CNOT10: variants seen among roughly 807,000 people sequenced by gnomAD.
CNOT10 encodes CCR4-NOT transcription complex subunit 10, also known as CCR4-NOT transcription complex, subunit 10.
CNOT10 carries 30 observed loss-of-function variants against 94.6 expected under a neutral mutation model. That is an observed-to-expected ratio of 0.32 (90% CI 0.24 to 0.43). The LOEUF is 0.43. CNOT10 is among the 20% of genes least tolerant of loss of function. The pLI is 1.00. For missense variants in CNOT10, 759 were observed against 877.2 expected (o/e 0.87, Z 1.70); for synonymous variants, 289 against 301.6 (o/e 0.96, Z 0.43).
chr3:32,707,720 T>C (rs537834518), intron 3 of CNOT10, among the ~76,000 whole-genome samples: 1 of 152,082 alleles, frequency 6.6e-6, no homozygotes, highest in East Asian at 1.9e-4. Context: ...GGAGAATCAC[T>C]TGAACCCTGG....
chr3:32,725,608 A>G lies in CNOT10; in HGVS notation c.1012+9A>G, dbSNP rs781760762. On this transcript the variant is annotated intron_variant, in intron 9 of 18. Transcript: ENST00000328834. ...AGGTAGCACTGATCCAGGTAAGCCCAGTACTGGGGGACAGTTTGTATTTAC... is the reference window on the plus strand; with the variant it reads ...AGGTAGCACTGATCCAGGTAAGCCCGGTACTGGGGGACAGTTTGTATTTAC... The G allele has an allele frequency of 1.3e-6, 2 of 1,596,996 alleles. No homozygotes were observed. The highest frequency in any genetic ancestry group is 1.1e-5 in the South Asian group (1 of 87,660).
chr3:32,729,629 C>T lies in CNOT10; in HGVS notation c.1215+1759C>T, dbSNP rs959347427. Among the ~76,000 whole-genome samples, 8 of 152,122 alleles carry T rather than the reference C, an allele frequency of 5.3e-5. No homozygotes were observed. In the East Asian group the frequency reaches 9.6e-4, roughly 18 times the overall value. ...TAGGTAGTTTGTGATTTGAGTATAC[C>T]AACAGAGGAAGAGATGAGTGATTTG... On this transcript the variant is annotated intron_variant, in intron 10 of 18. Transcript: ENST00000328834.
rs557308841 is a variant in CNOT10, at chr3:32,754,936, A to G, written c.1596-4522A>G. Among the ~76,000 whole-genome samples the G allele has an allele frequency of 2.0e-5, 3 of 151,548 alleles. No individual in the cohort carries two copies. The East Asian group carries it at 5.9e-4, about 30-fold the overall frequency. ...ATAGATATTTAGTGTGTACTTTCCC[A>G]TATTCAGTTTGTTGAAAGAAATTAC... is the stretch of plus-strand genomic sequence containing the variant. On this transcript the variant is annotated intron_variant, in intron 13 of 18. Coordinates refer to ENST00000328834, the MANE Select transcript of CNOT10 (RefSeq NM_015442.3).
At chr3:32,751,385 C>G (rs777963120) in intron 13 of CNOT10, among the ~76,000 whole-genome samples, 1 of 152,106 alleles carries the variant, frequency 6.6e-6, no homozygotes, top group Non-Finnish European at 1.5e-5. Context: ...AGATTATAAG[C>G]GTGAGCTACA....
intron 13 of CNOT10, among the ~76,000 whole-genome samples, chr3:32,742,344 T>C: frequency 6.6e-6 from 1 of 152,192 alleles, no homozygotes; most frequent in South Asian, 2.1e-4. Context: ...TGAACTTCTT[T>C]TCATGTGGTA....
At chr3:32,691,546 A>G (rs1696850095) in intron 1 of CNOT10, among the ~76,000 whole-genome samples, 1 of 152,206 alleles carries the variant, frequency 6.6e-6, no homozygotes, top group East Asian at 1.9e-4. Flanking sequence ...AGCTTAAGTG[A>G]TCTGCCCGCC....
chr3:32,705,588 A>C (rs1397150143), intron 3 of CNOT10, among the ~76,000 whole-genome samples: 3 of 152,184 alleles, frequency 2.0e-5, no homozygotes, highest in African/African-American at 7.2e-5. Context: ...TGAAATAGCT[A>C]TATAATTTTT....
intron 3 of CNOT10, among the ~76,000 whole-genome samples, chr3:32,707,103 A>G (rs1017929141): frequency 8.5e-5 from 13 of 152,228 alleles, no homozygotes; most frequent in Non-Finnish European, 1.5e-4. Flanking sequence ...ATATTGAACA[A>G]TAATTTATTG....
chr3:32,725,245 T>C (rs1281818460), intron 8 of CNOT10, among the ~76,000 whole-genome samples: 3 of 152,180 alleles, frequency 2.0e-5, no homozygotes, highest in African/African-American at 7.2e-5. Context: ...TAAAATAATT[T>C]GTATCACCTT....
rs183651556 is a variant in CNOT10, at chr3:32,725,283, T to A, written c.863-167T>A. Among the ~76,000 whole-genome samples, 329 of 152,366 alleles carry A rather than the reference T, an allele frequency of 2.2e-3. 1 individual carries two copies. The highest frequency in any genetic ancestry group is 7.4e-3 in the African/African-American group (308 of 41,582). ...ATAAAAGAGATTTTAAAAGGAGTTT[T>A]AAAATTTTTCAGATATTTCCTAAAT... On this transcript the variant is annotated intron_variant, in intron 8 of 18. Coordinates refer to ENST00000328834, the MANE Select transcript of CNOT10 (RefSeq NM_015442.3).
intron 18 of CNOT10, 95 bp downstream of exon 18, chr3:32,770,057 G>T (rs769315274): frequency 1.4e-5 from 13 of 915,944 alleles, no homozygotes; most frequent in Non-Finnish European, 2.3e-5. Context: ...CCAGGCTGGA[G>T]TGCAGTGGTA....
intron 12 of CNOT10, among the ~76,000 whole-genome samples, chr3:32,735,881 G>A (rs1699165469): frequency 2.0e-5 from 3 of 152,028 alleles, no homozygotes; most frequent in Admixed American, 2.0e-4. Context: ...GCAGGGTGCT[G>A]GAGGAGGCCA....
intron 10 of CNOT10, 126 bp downstream of exon 10, chr3:32,727,996 TTTATTTATTTA>T (rs890704038): frequency 1.5e-5 from 9 of 605,750 alleles, no homozygotes; most frequent in Admixed American, 3.6e-5. Context: ...TATTTATTTA[TTTATTTATTTA>T]TTTTTTGAGA....
Position 32,685,480 on chromosome 3 carries a change from C to T in CNOT10, c.20C>T (p.Ala7Val), listed in dbSNP as rs766217872. Reference protein sequence around the residue: MAADKPADQGAEKHEGT... With the variant: MAADKPVDQGAEKHEGT... ...GGGAAGATGGCTGCAGACAAGCCTG[C>T]AGGTAGGGCGCCAATGTCCCGAGCG... Residue 7 changes from alanine to valine, a missense_variant and splice_region_variant, in exon 1 of 19, where the codon GCA becomes GTA. Physicochemically the swap from Ala to Val is moderately conservative, Grantham distance 64. Coordinates refer to ENST00000328834, the MANE Select transcript of CNOT10 (RefSeq NM_015442.3). The T allele has an allele frequency of 3.2e-6, 5 of 1,550,352 alleles. No individual in the cohort carries two copies. The South Asian group carries it at 5.9e-5, about 18-fold the overall frequency.
At chr3:32,694,140 T>A (rs868841659) in intron 1 of CNOT10, among the ~76,000 whole-genome samples, 3 of 358 alleles carry the variant, frequency 8.4e-3, no homozygotes, top group Non-Finnish European at 0.014. Context: ...CTTGATAAAT[T>A]TTTTTTTTTT....
chr3:32,720,517 A>AT (rs983896937), intron 8 of CNOT10, among the ~76,000 whole-genome samples: 159 of 136,896 alleles, frequency 1.2e-3, no homozygotes, highest in Middle Eastern at 3.7e-3. Flanking sequence ...ATTTTATTTT[A>AT]TTTTTTTGGA....
At chr3:32,725,682 C>A in intron 9 of CNOT10, 83 bp downstream of exon 9, 1 of 1,279,622 alleles carries the variant, frequency 7.8e-7, no homozygotes, top group Non-Finnish European at 1.1e-6. Flanking sequence ...TTAAAATACC[C>A]ACCATGTAGA....
intron 1 of CNOT10, among the ~76,000 whole-genome samples, chr3:32,688,891 G>C (rs984731208): frequency 5.9e-5 from 9 of 151,984 alleles, no homozygotes; most frequent in African/African-American, 1.9e-4. Flanking sequence ...CAGGCAACAG[G>C]ATGAGACCCT....
chr3:32,767,649 A>C (rs1276940788), intron 17 of CNOT10, among the ~76,000 whole-genome samples: 2 of 151,890 alleles, frequency 1.3e-5, no homozygotes, highest in Non-Finnish European at 2.9e-5. Context: ...TAGTCAACTT[A>C]GTGGCATCTG....
Sources: gnomAD v4.1 joint callset for allele counts (sites outside exome capture counted in the v4.1 genomes callset) on GRCh38, gnomAD v4.1.1 for gene constraint, MANE v1.5 for transcripts, NCBI Gene and HGNC (gene_info 2026-07-23, HGNC 2026-07-21) for gene names.